Variants in NVL observed in about 807,000 individuals in gnomAD.
NVL encodes the protein nuclear valosin-containing protein-like.
A neutral mutation model predicts 110.2 loss-of-function variants in NVL; 84 were observed. The ratio of observed to expected loss-of-function variants is 0.76; its 90% CI spans 0.64 to 0.91. The LOEUF (loss-of-function observed/expected upper bound fraction) is 0.91, where lower values mean the gene tolerates loss of function less well. NVL is among the 40% of genes least tolerant of loss of function. The pLI, the probability that NVL is intolerant of heterozygous loss-of-function variation, is 0.00. For synonymous variants in NVL, 354 were observed against 361.1 expected (o/e 0.98, Z 0.22); for missense variants, 882 against 1,035.9 (o/e 0.85, Z 2.04).
intron 20 of NVL, 136 bp from the exon 21 acceptor site, chr1:224,233,425 T>C: frequency 1.7e-6 from 1 of 585,972 alleles, no homozygotes; most frequent in Non-Finnish European, 2.8e-6. Context: ...GAGAAATAAA[T>C]TGATTATCAA....
chr1:224,250,292 G>A lies in NVL; in HGVS notation c.2209C>T (p.Pro737Ser), dbSNP rs1055544851. The A allele has an allele frequency of 1.1e-5, 17 of 1,598,840 alleles. No homozygotes were observed. The highest frequency in any genetic ancestry group is 1.3e-5 in the Non-Finnish European group (15 of 1,174,628). ...AACAGTGTTTTGTCCAGGCGGCCCGGGCGCAGGATTGCAGGGTCAATTATA... is the reference window on the plus strand; with the variant it reads ...AACAGTGTTTTGTCCAGGCGGCCCGAGCGCAGGATTGCAGGGTCAATTATA... ...PDIIDPAILR[P>S]GRLDKTLFVG... Residue 737 changes from proline (P) to serine (S), a missense_variant, in exon 19 of 23, where the codon CCG becomes TCG. This residue lies in a region of NVL where 66 missense variants were observed against 127.5 expected (regional missense o/e 0.52). Coordinates refer to ENST00000281701, the MANE Select transcript of NVL (RefSeq NM_002533.4).
At chr1:224,280,990 C>T (rs1666252016) in intron 16 of NVL, 133 bp downstream of exon 16, 1 of 764,660 alleles carries the variant, frequency 1.3e-6, no homozygotes. Flanking sequence ...GCTCAGCCTC[C>T]TCACTCCTAC....
intron 18 of NVL, among the ~76,000 whole-genome samples, chr1:224,264,010 G>A (rs941327561): frequency 8.5e-5 from 13 of 152,112 alleles, no homozygotes; most frequent in South Asian, 4.2e-4. Context: ...GCAAGATTCC[G>A]TCTCAAAAAC....
chr1:224,231,162 A>G, intron 22 of NVL, 64 bp downstream of exon 22: 1 of 939,046 alleles, frequency 1.1e-6, no homozygotes. Context: ...TTAATTCATG[A>G]GGTCATATCT....
Position 224,250,298 on chromosome 1 carries a change from G to C in NVL, c.2203C>G (p.Leu735Val). ...GTTTTGTCCAGGCGGCCCGGGCGCA[G>C]GATTGCAGGGTCAATTATATCTAGA... ...NRPDIIDPAI[L>V]RPGRLDKTLF... Residue 735 changes from leucine to valine, a missense_variant, in exon 19 of 23, where the codon CTG (leucine) becomes GTG (valine). This residue lies in a region of NVL where 66 missense variants were observed against 127.5 expected (regional missense o/e 0.52). Transcript: ENST00000281701. 1.9e-6 allele frequency: 3 copies of C among 1,591,330 alleles called. No individual in the cohort carries two copies. Among genetic ancestry groups the C allele is most frequent in the Non-Finnish European group, 2.6e-6 (3 of 1,172,210 alleles).
At chr1:224,304,902 A>C in intron 7 of NVL, 90 bp from the exon 8 acceptor site, 1 of 1,490,800 alleles carries the variant, frequency 6.7e-7, no homozygotes, top group Non-Finnish European at 9.3e-7. Context: ...ACAAAGGTCC[A>C]TTAAATATAG....
intron 19 of NVL, among the ~76,000 whole-genome samples, chr1:224,248,758 T>G (rs1001694502): frequency 6.6e-6 from 1 of 152,190 alleles, no homozygotes; most frequent in Admixed American, 6.5e-5. Context: ...AATCTTGTGA[T>G]GTCTATTAAT....
chr1:224,306,565 CA>C (rs201518181), intron 6 of NVL, among the ~76,000 whole-genome samples: 5 of 151,540 alleles, frequency 3.3e-5, no homozygotes, highest in Non-Finnish European at 2.9e-5. Context: ...TGCACCCGGC[CA>C]AAAAAAATTG....
intron 10 of NVL, chr1:224,298,282 GT>G: frequency 3.5e-6 from 1 of 284,842 alleles, no homozygotes; most frequent in Admixed American, 4.2e-5. Flanking sequence ...AAAAAGGAAT[GT>G]CCCACAAGTG....
chr1:224,302,926 G>A (rs1429885926), intron 9 of NVL: 3 of 320,658 alleles, frequency 9.4e-6, no homozygotes, highest in Non-Finnish European at 1.8e-5. Flanking sequence ...GTATGTGTCT[G>A]TGTTTCCAGT....
At chr1:224,276,690 T>C (rs890236280) in intron 16 of NVL, among the ~76,000 whole-genome samples, 2 of 152,186 alleles carry the variant, frequency 1.3e-5, no homozygotes, top group Non-Finnish European at 2.9e-5. Context: ...TTTTGGTACT[T>C]TTCTTTGAAC....
chr1:224,316,618 C>T (rs1670088916), intron 4 of NVL, among the ~76,000 whole-genome samples: 1 of 142,198 alleles, frequency 7.0e-6, no homozygotes, highest in South Asian at 2.2e-4. Flanking sequence ...CTGCAATGAG[C>T]TGTGATCGCA....
chr1:224,303,832 A>G lies in NVL; in HGVS notation c.851T>C (p.Met284Thr). ...GTGGTGGTACACCTCCGGGTGACGC[A>G]TGTGTATGAGCATCTTGCAGACCTC... ...LKEVCKMLIH[M>T]RHPEVYHHLG... Residue 284 changes from methionine (M) to threonine (T), a missense_variant, in exon 9 of 23, where the codon ATG (methionine) becomes ACG (threonine). Met to Thr is a moderately conservative substitution (Grantham distance 81). This residue lies in a region of NVL where 416 missense variants were observed against 499.3 expected (regional missense o/e 0.83). Transcript: ENST00000281701. 3 of 1,613,742 alleles carry G rather than the reference A, an allele frequency of 1.9e-6. No individual in the cohort carries two copies. Among genetic ancestry groups the G allele is most frequent in the Non-Finnish European group, 2.5e-6 (3 of 1,179,840 alleles).
At chr1:224,272,589 C>A (rs1359191533) in intron 17 of NVL, among the ~76,000 whole-genome samples, 1 of 151,748 alleles carries the variant, frequency 6.6e-6, no homozygotes, top group African/African-American at 2.4e-5. Context: ...TGGTGGCACA[C>A]ATCTGTAGTC....
At chr1:224,232,487 G>A (rs1038559536) in intron 21 of NVL, among the ~76,000 whole-genome samples, 1 of 152,154 alleles carries the variant, frequency 6.6e-6, no homozygotes, top group African/African-American at 2.4e-5. Flanking sequence ...ACCCTCCCAA[G>A]TAGTTAGGAC....
At chr1:224,311,316 C>A (rs1354752483) in intron 5 of NVL, among the ~76,000 whole-genome samples, 1 of 151,732 alleles carries the variant, frequency 6.6e-6, no homozygotes, top group Non-Finnish European at 1.5e-5. Flanking sequence ...CCTCCTTGGC[C>A]TTCCAAAGTG....
At chr1:224,296,435 C>A in intron 11 of NVL, 66 bp downstream of exon 11, 1 of 792,744 alleles carries the variant, frequency 1.3e-6, no homozygotes, top group Non-Finnish European at 2.0e-6. Flanking sequence ...TTTTTATCTT[C>A]ATGTATTAAT....
chr1:224,304,720 C>A lies in NVL; in HGVS notation c.825+16G>T. The A allele has an allele frequency of 6.2e-7, 1 of 1,601,926 alleles. No individual in the cohort carries two copies. Among genetic ancestry groups the A allele is most frequent in the Non-Finnish European group, 8.6e-7 (1 of 1,169,568 alleles). On this transcript the variant is annotated intron_variant, in intron 8 of 22. Transcript: ENST00000281701. The stretch of plus-strand genomic sequence containing the variant: ...TAATATATCCATTTGAGGTAAAATT[C>A]AGAATTTGCACTAACTTTTAATGTC...
At position 224,287,957 on chromosome 1, in the gene NVL, G is replaced by C; in HGVS notation, c.1612C>G (p.Gln538Glu). The C allele has an allele frequency of 6.2e-7, 1 of 1,613,424 alleles. No homozygotes were observed. Among genetic ancestry groups the C allele is most frequent in the East Asian group, 2.2e-5 (1 of 44,880 alleles). The change falls in exon 14 of 23, where the codon CAA (glutamine) becomes GAA (glutamate). Residue 538 changes from glutamine (Q) to glutamate (E), a missense_variant. Transcript: ENST00000281701. ...ATCTGCTCCTCTGAGAGGGGATCTT[G>C]GTCTCTTAGCAACCCCAGCAGCCTT... ...LQRLLGLLRD[Q>E]DPLSEEQMQG...
Sources: gnomAD v4.1 joint callset for allele counts (sites outside exome capture counted in the v4.1 genomes callset) on GRCh38, gnomAD v4.1.1 for gene constraint, gnomAD v4.1.1 regional missense constraint, MANE v1.5 for transcripts, NCBI Gene and HGNC (gene_info 2026-07-23, HGNC 2026-07-21) for gene names.